The following SMOX variants were observed in gnomAD, a reference collection of about 807,000 sequenced individuals.
SMOX encodes flavin containing amine oxidase.
A neutral mutation model predicts 51.0 loss-of-function variants in SMOX; 22 were observed. The observed-to-expected ratio is 0.43, with a 90% CI of 0.31 to 0.62. The LOEUF (loss-of-function observed/expected upper bound fraction) is 0.62, where lower values mean the gene tolerates loss of function less well. SMOX is among the 20% of genes least tolerant of loss of function. SMOX has a pLI of 0.10. For synonymous variants in SMOX, 282 were observed against 307.8 expected, an observed-to-expected ratio of 0.92 and a Z score of 0.88; for missense variants, 566 against 777.7, an observed-to-expected ratio of 0.73 and a Z score of 3.24.
chr20:4,165,049 GTTTTTTTT>G (rs781522050), intron 1 of SMOX, among the ~76,000 whole-genome samples: 1 of 87,330 alleles, frequency 1.1e-5, no homozygotes, highest in Non-Finnish European at 2.2e-5. Flanking sequence ...TAGCTAAGTT[GTTTTTTTT>G]TTTTTTTTTT....
In SMOX at chr20:4,187,544, C is replaced by T; in HGVS notation, c.*137C>T. 7.8e-7 allele frequency: 1 copy of T among 1,283,120 alleles called. No individual in the cohort carries two copies. Among genetic ancestry groups the T allele is most frequent in the Non-Finnish European group, 1.1e-6 (1 of 941,360 alleles). The allele number at this position is 1,283,120 out of a possible 1,614,324, so 79.5% of individuals were successfully genotyped here. A position where few individuals can be genotyped will look rare whatever the true frequency, so the allele number is the denominator to read the frequency against. ...TAGAGCTAGCCGCCCTGACTGCCTT[C>T]AGACCTGGCCCTGTAGCTTTTCTTT... On this transcript the variant is annotated 3_prime_UTR_variant, in exon 7 of 7. Transcript: ENST00000305958. The surrounding 1 kb of genome is among the most constrained non-coding windows in gnomAD (Gnocchi z 4.8).
intron 1 of SMOX, among the ~76,000 whole-genome samples, chr20:4,159,412 G>C (rs1568732225): frequency 6.6e-6 from 1 of 152,162 alleles, no homozygotes; most frequent in Non-Finnish European, 1.5e-5. Flanking sequence ...GCGCCCAGCT[G>C]CTTCTTCATT....
chr20:4,187,329 C>A lies in SMOX; in HGVS notation c.1590C>A (p.His530Gln). 1 of 1,614,234 alleles carries A rather than the reference C, an allele frequency of 6.2e-7. No homozygotes were observed. Among genetic ancestry groups the A allele is most frequent in the South Asian group, 1.1e-5 (1 of 91,088 alleles). The change falls in exon 7 of 7, where the codon CAC (histidine) becomes CAA (glutamine). Residue 530 changes from histidine to glutamine, a missense_variant. Around this residue, in one of 3 missense-constraint regions of SMOX, gnomAD observed 347 missense variants for 481.8 expected, o/e 0.72. Coordinates refer to ENST00000305958, the MANE Select transcript of SMOX (RefSeq NM_175839.3). The surrounding 1 kb of genome is among the most constrained non-coding windows in gnomAD (Gnocchi z 4.8). Reference sequence around the variant, plus strand: ...ACCGCAAGTACTATTCCACCACCCACGGTGCTCTGCTGTCCGGCCAGCGTG... The same window carrying A: ...ACCGCAAGTACTATTCCACCACCCAAGGTGCTCTGCTGTCCGGCCAGCGTG... ...ATHRKYYSTT[H>Q]GALLSGQREA...
In SMOX at chr20:4,167,683, A is replaced by C. The variant is rs1437606587; in HGVS notation, c.-26-7347A>C. Among the ~76,000 whole-genome samples, 1 of 152,094 alleles carries C rather than the reference A, an allele frequency of 6.6e-6. No individual in the cohort carries two copies. Among genetic ancestry groups the C allele is most frequent in the African/African-American group, 2.4e-5 (1 of 41,398 alleles). On this transcript the variant is annotated intron_variant, in intron 1 of 6. Coordinates refer to ENST00000305958, the MANE Select transcript of SMOX (RefSeq NM_175839.3). The surrounding 1 kb of genome is among the most constrained non-coding windows in gnomAD (Gnocchi z 4.8). ...GGGGCCTGATTCCCAGGTCTGGGCCAGTGTTCTCTCCCTCCTCTTCTGTCT... is the reference window on the plus strand; with the variant it reads ...GGGGCCTGATTCCCAGGTCTGGGCCCGTGTTCTCTCCCTCCTCTTCTGTCT...
rs550849440 is a variant in SMOX, at chr20:4,160,193, C to T, written c.-27+11216C>T. 3.3e-5 allele frequency among the ~76,000 whole-genome samples: 5 copies of T among 152,262 alleles called. No homozygotes were observed. The East Asian group carries it at 7.7e-4, about 24-fold the overall frequency. ...GGTGACCTGCAGGGACCCCACTAAG[C>T]GCCCAGGCCAGAAAGCAGGTAGCTT... On this transcript the variant is annotated intron_variant, in intron 1 of 6. Transcript: ENST00000305958.
In SMOX at chr20:4,175,323, C is replaced by T. The variant is rs555036784; in HGVS notation, c.208+60C>T. The T allele has an allele frequency of 5.9e-5, 90 of 1,534,234 alleles. 1 individual carries two copies. The East Asian group carries it at 1.4e-3, about 24-fold the overall frequency. The stretch of plus-strand genomic sequence containing the variant: ...CAGGTCACCTTTAGTCTCCTAATTC[C>T]CGGCTCTGCCTGAAATCTCATTATT... On this transcript the variant is annotated intron_variant, in intron 2 of 6. Transcript: ENST00000305958.
intron 1 of SMOX, among the ~76,000 whole-genome samples, chr20:4,169,192 A>C (rs1366823247): frequency 6.6e-6 from 1 of 152,012 alleles, no homozygotes; most frequent in Non-Finnish European, 1.5e-5. Context: ...AGTAGAAACT[A>C]GGTCTCACTA....
chr20:4,186,128 C>G (rs1174607853), intron 6 of SMOX, among the ~76,000 whole-genome samples: 1 of 151,794 alleles, frequency 6.6e-6, no homozygotes, highest in Non-Finnish European at 1.5e-5. Flanking sequence ...AAAGTAAGAC[C>G]TCCATCTCAA....
chr20:4,149,331 C>T lies in SMOX; in HGVS notation c.-27+354C>T, dbSNP rs1045180352. ...GGCTACGTGCGGGAGGGGAGCGTCC[C>T]GGGCGCCCTGCAGGCGCGCTCCGTG... On this transcript the variant is annotated intron_variant, in intron 1 of 6. Coordinates refer to ENST00000305958, the MANE Select transcript of SMOX (RefSeq NM_175839.3). This position sits in a 1 kb window ranked among gnomAD's most constrained non-coding sequence, Gnocchi z 6.0. Among the ~76,000 whole-genome samples, 26 of 151,652 alleles carry T rather than the reference C, an allele frequency of 1.7e-4. No homozygotes were observed. The highest frequency in any genetic ancestry group is 3.1e-4 in the Non-Finnish European group (21 of 67,780).
chr20:4,154,489 C>T (rs1182997882), intron 1 of SMOX, among the ~76,000 whole-genome samples: 3 of 151,982 alleles, frequency 2.0e-5, no homozygotes, highest in Non-Finnish European at 4.4e-5. Context: ...AATTCTCCTG[C>T]CTCAGCCTTC....
At chr20:4,178,068 G>A (rs1038288492) in intron 3 of SMOX, among the ~76,000 whole-genome samples, 2 of 152,188 alleles carry the variant, frequency 1.3e-5, no homozygotes, top group African/African-American at 4.8e-5. Context: ...TTGAGATGGA[G>A]TCTCGCTCTG....
chr20:4,169,660 TG>T (rs1986735935), intron 1 of SMOX, among the ~76,000 whole-genome samples: 1 of 152,000 alleles, frequency 6.6e-6, no homozygotes, highest in East Asian at 1.9e-4. Context: ...GCCTGTGCTT[TG>T]GGGGTAGGCT....
intron 1 of SMOX, among the ~76,000 whole-genome samples, chr20:4,159,891 A>C (rs374811891): frequency 6.6e-6 from 1 of 152,204 alleles, no homozygotes. Flanking sequence ...AATTCTATGG[A>C]AAGTGCTTTA....
At position 4,187,443 on chromosome 20, in the gene SMOX, G is replaced by A. The variant is rs1254937172; in HGVS notation, c.*36G>A. 1.1e-5 allele frequency: 18 copies of A among 1,602,870 alleles called. No individual in the cohort carries two copies. The Middle Eastern group carries it at 6.7e-4, about 59-fold the overall frequency. On this transcript the variant is annotated 3_prime_UTR_variant, in exon 7 of 7. Coordinates refer to ENST00000305958, the MANE Select transcript of SMOX (RefSeq NM_175839.3). This position sits in a 1 kb window ranked among gnomAD's most constrained non-coding sequence, Gnocchi z 4.8. ...CGCTGCTGAGAAGAGCCACTAACTC[G>A]TGACCTCCAGCCTGCCCCTTGCTGC...
rs763036955 is a variant in SMOX, at chr20:4,170,991, G to T, written c.-26-4039G>T. On this transcript the variant is annotated intron_variant, in intron 1 of 6. Coordinates refer to ENST00000305958, the MANE Select transcript of SMOX (RefSeq NM_175839.3). This position sits in a 1 kb window ranked among gnomAD's most constrained non-coding sequence, Gnocchi z 4.6. The stretch of plus-strand genomic sequence containing the variant: ...ATAACCTCAAGGCGTGGGTGCAGGC[G>T]CTGGGCAAGAGGCTCACACCCCCAC... 6.6e-6 allele frequency among the ~76,000 whole-genome samples: 1 copy of T among 152,172 alleles called. No homozygotes were observed. The highest frequency in any genetic ancestry group is 2.4e-5 in the African/African-American group (1 of 41,410).
chr20:4,151,229 C>T (rs1303754146), intron 1 of SMOX, among the ~76,000 whole-genome samples: 1 of 152,104 alleles, frequency 6.6e-6, no homozygotes, highest in East Asian at 1.9e-4. Flanking sequence ...AGCCTGCCCT[C>T]TGTGCTCTGA....
intron 1 of SMOX, among the ~76,000 whole-genome samples, chr20:4,160,698 A>G (rs1397595384): frequency 3.3e-5 from 5 of 152,142 alleles, no homozygotes; most frequent in East Asian, 1.9e-4. Context: ...CCTTGGCTCT[A>G]TGATAAATTA....
rs544299962 is a variant in SMOX at position 4,153,543 on chromosome 20, C to G, written c.-27+4566C>G. 4.6e-5 allele frequency among the ~76,000 whole-genome samples: 7 copies of G among 152,224 alleles called. No individual in the cohort carries two copies. The highest frequency in any genetic ancestry group is 2.1e-4 in the South Asian group (1 of 4,818). On this transcript the variant is annotated intron_variant, in intron 1 of 6. Transcript: ENST00000305958. The surrounding 1 kb of genome is among the most constrained non-coding windows in gnomAD (Gnocchi z 4.4). Reference sequence around the variant, plus strand: ...CCTGGCCTCCCAGGGACCTGGCTGGCTGGCTGAGGAACGGTTTGCTGACCA... The same window carrying G: ...CCTGGCCTCCCAGGGACCTGGCTGGGTGGCTGAGGAACGGTTTGCTGACCA...
In SMOX at chr20:4,170,183, TG is replaced by T. The variant is rs1986764810; in HGVS notation, c.-26-4842del. On this transcript the variant is annotated intron_variant, in intron 1 of 6. Coordinates refer to ENST00000305958, the MANE Select transcript of SMOX (RefSeq NM_175839.3). This position sits in a 1 kb window ranked among gnomAD's most constrained non-coding sequence, Gnocchi z 4.6. ...GGTGGGGGGGTGCTTCTGGCGCAGTTGGGGGTGGAGGTGACATGATTCAGGC... is the reference window on the plus strand; with the variant it reads ...GGTGGGGGGGTGCTTCTGGCGCAGTTGGGGTGGAGGTGACATGATTCAGGC... Among the ~76,000 whole-genome samples, 1 of 111,096 alleles carries T rather than the reference TG, an allele frequency of 9.0e-6. No individual in the cohort carries two copies. The highest frequency in any genetic ancestry group is 1.9e-5 in the Non-Finnish European group (1 of 52,824). The allele number at this position is 111,096 out of a possible 152,430, so 72.9% of individuals were successfully genotyped here. A position where few individuals can be genotyped will look rare whatever the true frequency, so the allele number is the denominator to read the frequency against.
Sources: allele counts gnomAD v4.1 joint callset (sites outside exome capture counted in the v4.1 genomes callset), GRCh38; gene constraint gnomAD v4.1.1; regional missense constraint gnomAD v4.1.1; non-coding constraint Gnocchi (gnomAD v3.1); transcripts MANE v1.5; gene names NCBI Gene and HGNC (gene_info 2026-07-23, HGNC 2026-07-21).